The following CSMD3 variants were observed in gnomAD, a reference collection of about 807,000 sequenced individuals.
CSMD3 encodes the protein CUB and Sushi multiple domains 3.
A neutral mutation model predicts 435.2 loss-of-function variants in CSMD3; 177 were observed. The ratio of observed to expected loss-of-function variants is 0.41; its 90% confidence interval spans 0.36 to 0.46. CSMD3 has a LOEUF of 0.46. CSMD3 is among the 20% of genes least tolerant of loss of function. The pLI is 0.34. For synonymous variants in CSMD3, 1,656 were observed against 1,520.5 expected (o/e 1.09, Z -2.07); for missense variants, 4,265 against 4,504.6 (o/e 0.95, Z 1.52).
chr8:112,644,523 CTTAT>C (rs964842251), intron 20 of CSMD3, among the ~76,000 whole-genome samples: 2 of 151,946 alleles, frequency 1.3e-5, no homozygotes, highest in African/African-American at 4.8e-5. Flanking sequence ...GAGCCTTTTA[CTTAT>C]TTGTTTATTT....
intron 47 of CSMD3, among the ~76,000 whole-genome samples, chr8:112,315,053 T>A (rs16883404): frequency 0.2 from 30,644 of 151,672 alleles, 3,703 homozygotes; most frequent in East Asian, 0.39. Flanking sequence ...TGGGGTCAGA[T>A]AGAAAACTGT....
chr8:112,765,621 T>G (rs1369121658), intron 13 of CSMD3, among the ~76,000 whole-genome samples: 2 of 151,722 alleles, frequency 1.3e-5, no homozygotes, highest in Non-Finnish European at 3.0e-5. Context: ...CTATTCATTC[T>G]TCACTTAATA....
At chr8:113,111,808 G>A (rs996526742) in intron 4 of CSMD3, among the ~76,000 whole-genome samples, 2 of 152,082 alleles carry the variant, frequency 1.3e-5, no homozygotes, top group Admixed American at 1.3e-4. Context: ...AGCTTGCTGA[G>A]TAGCTGAGTT....
chr8:112,708,137 A>G (rs1587029014), intron 13 of CSMD3, among the ~76,000 whole-genome samples: 1 of 152,212 alleles, frequency 6.6e-6, no homozygotes, highest in East Asian at 1.9e-4. Context: ...AGGTGAGTGT[A>G]GGGATGATTA....
rs58989184 is a variant in CSMD3 at position 112,335,247 on chromosome 8, G to T, written c.7165+82C>A. On this transcript the variant is annotated intron_variant, in intron 45 of 70. Transcript: ENST00000297405. Reference sequence around the variant, plus strand: ...AATTTTAATACCTTTTCAATCATTGGTTAAATATATATTACATTCACTTTT... The same window carrying T: ...AATTTTAATACCTTTTCAATCATTGTTTAAATATATATTACATTCACTTTT... 7.0e-3 allele frequency: 9,408 copies of T among 1,339,920 alleles called. 537 individuals carry two copies. The African/African-American group carries it at 0.12, about 17-fold the overall frequency. 83.0% of individuals were successfully genotyped at this position (1,339,920 alleles called of 1,614,324 possible). A position where few individuals can be genotyped will look rare whatever the true frequency, so the allele number is the denominator to read the frequency against.
At chr8:113,203,240 G>A (rs2092732927) in intron 3 of CSMD3, among the ~76,000 whole-genome samples, 1 of 152,010 alleles carries the variant, frequency 6.6e-6, no homozygotes. Flanking sequence ...CCATGAATAT[G>A]TACAAATATT....
chr8:112,267,967 A>G (rs573699674), intron 59 of CSMD3, among the ~76,000 whole-genome samples: 6 of 152,292 alleles, frequency 3.9e-5, no homozygotes, highest in Non-Finnish European at 5.9e-5. Flanking sequence ...TTTTCAGGAA[A>G]AAAACCTTAG....
At chr8:113,142,415 T>C (rs1162794029) in intron 4 of CSMD3, among the ~76,000 whole-genome samples, 1 of 151,174 alleles carries the variant, frequency 6.6e-6, no homozygotes, top group African/African-American at 2.4e-5. Context: ...TTGTCAGAGG[T>C]ACAGACACAC....
At chr8:112,934,170 G>A (rs1175011044) in intron 9 of CSMD3, among the ~76,000 whole-genome samples, 3 of 152,098 alleles carry the variant, frequency 2.0e-5, no homozygotes, top group Non-Finnish European at 4.4e-5. Flanking sequence ...AAGCTTTGTG[G>A]ATGTTACACA....
intron 8 of CSMD3, among the ~76,000 whole-genome samples, chr8:112,954,221 T>C (rs1164355732): frequency 6.6e-6 from 1 of 151,546 alleles, no homozygotes; most frequent in African/African-American, 2.4e-5. Context: ...CATAGGTTTA[T>C]CTAAATTACC....
At chr8:113,298,970 T>C (rs7820746) in intron 2 of CSMD3, among the ~76,000 whole-genome samples, 3,440 of 152,278 alleles carry the variant, frequency 0.023, 151 homozygotes, top group African/African-American at 0.079. Context: ...TATTTTCTTA[T>C]TGAATACATA....
intron 28 of CSMD3, among the ~76,000 whole-genome samples, chr8:112,512,558 A>G (rs2130961804): frequency 6.6e-6 from 1 of 152,326 alleles, no homozygotes; most frequent in South Asian, 2.1e-4. Context: ...ACCATAGTGT[A>G]AACAGATGTG....
intron 18 of CSMD3, among the ~76,000 whole-genome samples, chr8:112,652,803 A>G (rs1361256580): frequency 6.6e-6 from 1 of 152,172 alleles, no homozygotes; most frequent in African/African-American, 2.4e-5. Context: ...CATAATTGGT[A>G]AGTAGCTTTA....
At chr8:112,630,232 T>C (rs984380310) in intron 22 of CSMD3, among the ~76,000 whole-genome samples, 1 of 152,126 alleles carries the variant, frequency 6.6e-6, no homozygotes, top group Admixed American at 6.6e-5. Context: ...TGGTAATCTA[T>C]TACTCATCAA....
chr8:112,539,400 A>G (rs933978743), intron 27 of CSMD3: 1 of 152,154 alleles, frequency 6.6e-6, no homozygotes, highest in Non-Finnish European at 1.5e-5. Flanking sequence ...CTCTTCAGAG[A>G]AAATTTTTTA....
chr8:113,295,447 T>G (rs1318175562), intron 2 of CSMD3, among the ~76,000 whole-genome samples: 2 of 152,162 alleles, frequency 1.3e-5, no homozygotes, highest in Non-Finnish European at 2.9e-5. Flanking sequence ...CAAAATGTTT[T>G]CCCATCAAAG....
intron 28 of CSMD3, 102 bp downstream of exon 28, chr8:112,516,932 C>T (rs1299382270): frequency 5.8e-6 from 5 of 866,366 alleles, no homozygotes; most frequent in African/African-American, 3.4e-5. Context: ...ATCTTAGACT[C>T]TCATATAGAA....
chr8:113,374,135 A>G (rs1315231875), intron 1 of CSMD3, among the ~76,000 whole-genome samples: 3 of 152,058 alleles, frequency 2.0e-5, no homozygotes, highest in Admixed American at 2.0e-4. Context: ...ATTATAATAT[A>G]CTTATGTAAA....
At chr8:112,643,229 C>A (rs1256253820) in intron 20 of CSMD3, among the ~76,000 whole-genome samples, 1 of 152,008 alleles carries the variant, frequency 6.6e-6, no homozygotes, top group Non-Finnish European at 1.5e-5. Flanking sequence ...AATTTTTAAA[C>A]AATCAAATAT....
Sources: gnomAD v4.1 joint callset for allele counts (sites outside exome capture counted in the v4.1 genomes callset) on GRCh38, gnomAD v4.1.1 for gene constraint, MANE v1.5 for transcripts, NCBI Gene and HGNC (gene_info 2026-07-23, HGNC 2026-07-21) for gene names.